ARFGEF3: variants seen among roughly 807,000 people sequenced by gnomAD.
ARFGEF3 encodes brefeldin A-inhibited guanine nucleotide-exchange protein 3.
Under a neutral mutation model 221.7 loss-of-function variants are expected in ARFGEF3, and 96 were observed. The observed-to-expected ratio is 0.43, with a 90% CI of 0.37 to 0.51. The LOEUF is 0.51. ARFGEF3 is among the 20% of genes least tolerant of loss of function. The pLI is 0.00. For synonymous variants in ARFGEF3, 1,145 were observed against 1,126.8 expected (o/e 1.02, Z -0.32); for missense variants, 2,410 against 2,789.9 (o/e 0.86, Z 3.07).
intron 20 of ARFGEF3, among the ~76,000 whole-genome samples, chr6:138,294,843 T>C (rs1026455897): frequency 6.6e-6 from 1 of 152,214 alleles, no homozygotes; most frequent in African/African-American, 2.4e-5. Flanking sequence ...CCGGGAGCCA[T>C]GTGCTGGGGA....
chr6:138,198,218 C>T (rs1382226260), intron 2 of ARFGEF3, among the ~76,000 whole-genome samples: 4 of 152,202 alleles, frequency 2.6e-5, no homozygotes, highest in Non-Finnish European at 5.9e-5. Context: ...ATGCCAATTT[C>T]ATATGCTCAA....
chr6:138,310,576 G>T (rs1779808499), intron 24 of ARFGEF3, among the ~76,000 whole-genome samples: 1 of 152,126 alleles, frequency 6.6e-6, no homozygotes. Flanking sequence ...GGAGAAACAT[G>T]CCTCTTTGCT....
chr6:138,308,240 T>C (rs1054005995), intron 23 of ARFGEF3, among the ~76,000 whole-genome samples: 4 of 152,148 alleles, frequency 2.6e-5, no homozygotes, highest in African/African-American at 7.2e-5. Flanking sequence ...ACTACTCTTA[T>C]CAGTTAACTG....
At chr6:138,171,560 C>T (rs1188476507) in intron 2 of ARFGEF3, among the ~76,000 whole-genome samples, 2 of 152,062 alleles carry the variant, frequency 1.3e-5, no homozygotes, top group Non-Finnish European at 2.9e-5. Context: ...TATAACTTCC[C>T]CCAACCCTCA....
intron 32 of ARFGEF3, 139 bp from the exon 33 acceptor site, chr6:138,333,831 C>A (rs1272564953): frequency 2.1e-6 from 2 of 941,704 alleles, no homozygotes; most frequent in Non-Finnish European, 3.1e-6. Context: ...TGCCTTCTTT[C>A]ATGGAAGACA....
chr6:138,333,970 C>T lies in ARFGEF3; in HGVS notation c.5124C>T (p.Ser1708=), dbSNP rs776113810. 6 of 1,601,318 alleles carry T rather than the reference C, an allele frequency of 3.7e-6. No homozygotes were observed. The highest frequency in any genetic ancestry group is 2.7e-5 in the African/African-American group (2 of 74,492). The change falls in exon 33 of 34, where the codon AGC becomes AGT. Residue 1708 remains serine (S), a splice_region_variant and synonymous_variant. Transcript: ENST00000251691. ...DEKPNGHTKK[S]VSFREIVVSL... Reference sequence around the variant, plus strand: ...TCGAGCCCTCTCTTTTCACTTGAAGCGTGTCTTTCAGGGAAATTGTGGTGA... The same window carrying T: ...TCGAGCCCTCTCTTTTCACTTGAAGTGTGTCTTTCAGGGAAATTGTGGTGA...
Position 138,310,037 on chromosome 6 carries a change from T to C in ARFGEF3, c.4096+1176T>C, listed in dbSNP as rs530675692. On this transcript the variant is annotated intron_variant, in intron 24 of 33. Transcript: ENST00000251691. ...AAAATAAACCATCACATAGAGGACA[T>C]TGAAAACAGCCTGTGTTTTCTTCTG... Among the ~76,000 whole-genome samples, 22 of 152,334 alleles carry C rather than the reference T, an allele frequency of 1.4e-4. No individual in the cohort carries two copies. The South Asian group carries it at 4.6e-3, about 32-fold the overall frequency.
intron 6 of ARFGEF3, among the ~76,000 whole-genome samples, chr6:138,241,176 T>G (rs1449877964): frequency 1.3e-5 from 2 of 152,202 alleles, no homozygotes; most frequent in Non-Finnish European, 2.9e-5. Flanking sequence ...ACATGCCTAT[T>G]GTAACTTTAG....
chr6:138,330,714 T>G (rs1365982779), intron 32 of ARFGEF3, among the ~76,000 whole-genome samples: 1 of 146,924 alleles, frequency 6.8e-6, no homozygotes, highest in African/African-American at 2.7e-5. Flanking sequence ...CAGGTCAGTT[T>G]GATTAATATA....
At chr6:138,258,097 C>G (rs750230657) in intron 10 of ARFGEF3, among the ~76,000 whole-genome samples, 1 of 152,178 alleles carries the variant, frequency 6.6e-6, no homozygotes, top group Non-Finnish European at 1.5e-5. Flanking sequence ...TCTAATGGCT[C>G]TTCATTGACT....
intron 8 of ARFGEF3, among the ~76,000 whole-genome samples, chr6:138,246,164 C>T (rs943686653): frequency 6.6e-6 from 1 of 152,172 alleles, no homozygotes; most frequent in Non-Finnish European, 1.5e-5. Flanking sequence ...TCCATCTTTC[C>T]GTGCAGTCAT....
chr6:138,331,149 T>C (rs555240793), intron 32 of ARFGEF3, among the ~76,000 whole-genome samples: 101 of 152,384 alleles, frequency 6.6e-4, no homozygotes, highest in African/African-American at 2.4e-3. Context: ...AATGTCCTTA[T>C]GTTATTGGTT....
intron 25 of ARFGEF3, 38 bp downstream of exon 25, chr6:138,311,548 C>G (rs757329241): frequency 7.0e-7 from 1 of 1,431,582 alleles, no homozygotes; most frequent in African/African-American, 1.4e-5. Flanking sequence ...GGCCTGGAAA[C>G]CTGCCTCGGA....
intron 4 of ARFGEF3, among the ~76,000 whole-genome samples, chr6:138,220,008 C>A (rs1407947096): frequency 6.6e-6 from 1 of 151,260 alleles, no homozygotes; most frequent in Non-Finnish European, 1.5e-5. Flanking sequence ...CTTCTCTTTT[C>A]TTTTCCTTTT....
intron 2 of ARFGEF3, among the ~76,000 whole-genome samples, chr6:138,194,093 C>A (rs1777363949): frequency 6.6e-6 from 1 of 152,102 alleles, no homozygotes; most frequent in South Asian, 2.1e-4. Context: ...CATGATGAAA[C>A]CCCGTCTCTA....
chr6:138,210,080 A>G, intron 4 of ARFGEF3, 39 bp downstream of exon 4: 2 of 1,604,684 alleles, frequency 1.2e-6, no homozygotes, highest in Non-Finnish European at 1.7e-6. Context: ...TCACTGGGAC[A>G]GGAACACATC....
At chr6:138,210,748 G>T (rs1777710468) in intron 4 of ARFGEF3, among the ~76,000 whole-genome samples, 1 of 152,166 alleles carries the variant, frequency 6.6e-6, no homozygotes, top group Non-Finnish European at 1.5e-5. Flanking sequence ...AATGTATTCT[G>T]TCCTTTTCCT....
intron 1 of ARFGEF3, among the ~76,000 whole-genome samples, chr6:138,169,992 G>C (rs1436520992): frequency 4.6e-5 from 7 of 152,194 alleles, no homozygotes; most frequent in Non-Finnish European, 2.9e-5. Context: ...TGCAAGACTG[G>C]AGACAAGTTG....
intron 12 of ARFGEF3, among the ~76,000 whole-genome samples, chr6:138,265,439 A>T (rs560177894): frequency 6.6e-6 from 1 of 152,298 alleles, no homozygotes; most frequent in East Asian, 1.9e-4. Flanking sequence ...GGAGTTAAAT[A>T]TAACAAATTT....
Sources: allele counts gnomAD v4.1 joint callset (sites outside exome capture counted in the v4.1 genomes callset), GRCh38; gene constraint gnomAD v4.1.1; transcripts MANE v1.5; gene names NCBI Gene and HGNC (gene_info 2026-07-23, HGNC 2026-07-21).